ENOSF1: variants seen among roughly 807,000 people sequenced by gnomAD.
ENOSF1 encodes mitochondrial enolase superfamily member 1.
ENOSF1 carries 73 observed loss-of-function variants against 68.2 expected under a neutral mutation model. The observed-to-expected ratio is 1.07, with a 90% confidence interval of 0.89 to 1.30. ENOSF1 has a LOEUF of 1.30. Among genes scored for constraint, ENOSF1 ranks in the 50% most tolerant of loss-of-function variants. The probability of loss-of-function intolerance (pLI) is 0.00; values close to 1 mark genes in which losing one functional copy is unlikely to be tolerated. For synonymous variants in ENOSF1, 223 were observed against 210.4 expected (o/e 1.06, Z -0.52); for missense variants, 589 against 554.5 (o/e 1.06, Z -0.62).
intron 10 of ENOSF1, among the ~76,000 whole-genome samples, 193 bp from the exon 11 acceptor site, chr18:683,573 G>A (rs564735878): frequency 6.6e-6 from 1 of 152,234 alleles, no homozygotes; most frequent in Admixed American, 6.5e-5. Context: ...GGGGACTCTG[G>A]CTCCAGGTAC....
chr18:687,460 G>C (rs931484664), intron 9 of ENOSF1: 1 of 152,242 alleles, frequency 6.6e-6, no homozygotes, highest in Non-Finnish European at 1.5e-5. Flanking sequence ...CCCAGGTGAT[G>C]CTGGAGCTCC....
chr18:692,675 G>T (rs897741909), intron 5 of ENOSF1: 42 of 983,222 alleles, frequency 4.3e-5, no homozygotes, highest in Non-Finnish European at 5.1e-5. Flanking sequence ...ATCCAAAAAT[G>T]GAGGGTCCAC....
At chr18:700,694 G>T (rs966732736) in intron 2 of ENOSF1, among the ~76,000 whole-genome samples, 1 of 151,946 alleles carries the variant, frequency 6.6e-6, no homozygotes, top group African/African-American at 2.4e-5. Context: ...AGATCAACCT[G>T]ATCAACATGG....
chr18:667,607 TGATGGA>T (rs1292108760), downstream of ENOSF1: 43 of 43,728 alleles, frequency 9.8e-4, 7 homozygotes, highest in African/African-American at 2.0e-3. Flanking sequence ...ATGGTGATGG[TGATGGA>T]GATGGGTGAT....
rs11429267 is a variant in ENOSF1, at chr18:704,440, G to GAAAAAAAAAA, written c.193+2020_193+2029dup. ...AAGACTCTTGTTTCCAAAAAGAAAA[G>GAAAAAAAAAA]AAAAAAAAAAAAAAAAAGAACAGCC... On this transcript the variant is annotated intron_variant, in intron 2 of 15. Transcript: ENST00000647584. Among the ~76,000 whole-genome samples the GAAAAAAAAAA allele has an allele frequency of 8.1e-3, 785 of 96,922 alleles. 8 individuals are homozygous for GAAAAAAAAAA. The highest frequency in any genetic ancestry group is 0.022 in the Middle Eastern group (3 of 136). The allele number at this position is 96,922 out of a possible 152,430, so 63.6% of individuals were successfully genotyped here.
intron 12 of ENOSF1, 105 bp from the exon 13 acceptor site, chr18:677,977 T>C (rs1343723474): frequency 3.2e-5 from 44 of 1,360,520 alleles, no homozygotes; most frequent in Non-Finnish European, 4.4e-5. Flanking sequence ...TATTCATCAG[T>C]GGCCGTCAGG....
chr18:697,983 G>A (rs984194650), intron 2 of ENOSF1, among the ~76,000 whole-genome samples: 21 of 152,190 alleles, frequency 1.4e-4, no homozygotes, highest in African/African-American at 4.8e-4. Context: ...TTGTAGAGAC[G>A]CAGTTTCGAC....
intron 8 of ENOSF1, among the ~76,000 whole-genome samples, chr18:689,805 C>T (rs902754331): frequency 3.3e-5 from 5 of 152,164 alleles, no homozygotes; most frequent in Admixed American, 6.5e-5. Flanking sequence ...AGGTCCCCTA[C>T]GTAGCTTCAG....
At chr18:668,989 CTG>C (rs2074921870), downstream of ENOSF1, 1 of 1,159,800 alleles carries the variant, frequency 8.6e-7, no homozygotes, top group African/African-American at 1.5e-5. Flanking sequence ...GGGTAAGAGA[CTG>C]TAATAGATGA....
chr18:691,404 G>A, intron 5 of ENOSF1, 128 bp from the exon 6 acceptor site: 1 of 728,506 alleles, frequency 1.4e-6, no homozygotes, highest in Non-Finnish European at 2.3e-6. Flanking sequence ...GGAGTGCAGT[G>A]ATGCCATCAT....
chr18:699,979 C>T (rs189141718), intron 2 of ENOSF1, among the ~76,000 whole-genome samples: 16 of 152,046 alleles, frequency 1.1e-4, no homozygotes, highest in Admixed American at 3.9e-4. Context: ...ACTTGGGAAG[C>T]GGAGGGAGGA....
At position 671,293 on chromosome 18, in the gene ENOSF1, C is replaced by G. The variant is rs577616056; in HGVS notation, c.*3012G>C. On this transcript the variant is annotated 3_prime_UTR_variant, in exon 16 of 16. Coordinates refer to ENST00000647584, the MANE Select transcript of ENOSF1 (RefSeq NM_017512.7). ...AATTATTTTTTTAAAAAAAGCCTTGCGGTGTCTGCATATTCTAATGTTTTT... is the reference window on the plus strand; with the variant it reads ...AATTATTTTTTTAAAAAAAGCCTTGGGGTGTCTGCATATTCTAATGTTTTT... 1.9e-5 allele frequency: 17 copies of G among 883,790 alleles called. No homozygotes were observed. The highest frequency in any genetic ancestry group is 1.8e-4 in the African/African-American group (11 of 59,858). 54.7% of individuals were successfully genotyped at this position (883,790 alleles called of 1,614,324 possible). A position where few individuals can be genotyped will look rare whatever the true frequency, so the allele number is the denominator to read the frequency against.
chr18:668,215 C>T (rs1047027334), downstream of ENOSF1, among the ~76,000 whole-genome samples: 1 of 151,656 alleles, frequency 6.6e-6, no homozygotes, highest in Non-Finnish European at 1.5e-5. Context: ...CAGAACTACA[C>T]TACCAAGGTT....
intron 11 of ENOSF1, among the ~76,000 whole-genome samples, chr18:681,203 C>A (rs973186557): frequency 6.6e-6 from 1 of 152,188 alleles, no homozygotes; most frequent in Non-Finnish European, 1.5e-5. Context: ...GTGGCTCACT[C>A]TGACTGGCTG....
At chr18:692,692 G>A (rs575519901) in intron 5 of ENOSF1, 1 of 990,718 alleles carries the variant, frequency 1.0e-6, no homozygotes, top group African/African-American at 1.7e-5. Flanking sequence ...CCACAGGTGG[G>A]ACCTCAGGCA....
chr18:684,953 T>C (rs768347312), intron 10 of ENOSF1, among the ~76,000 whole-genome samples: 8 of 152,064 alleles, frequency 5.3e-5, no homozygotes, highest in African/African-American at 9.7e-5. Flanking sequence ...CTCCAACTCC[T>C]GAGCTCAGTG....
At chr18:693,018 G>A (rs2077361048) in intron 5 of ENOSF1, 2 of 1,233,222 alleles carry the variant, frequency 1.6e-6, no homozygotes, top group Non-Finnish European at 2.1e-6. Context: ...GTGTTGCACT[G>A]AGGCCACCGC....
chr18:689,050 A>G (rs1469015664), intron 8 of ENOSF1, among the ~76,000 whole-genome samples: 2 of 152,138 alleles, frequency 1.3e-5, no homozygotes, highest in African/African-American at 2.4e-5. Flanking sequence ...TGCCTTGAGC[A>G]TGACGCAACT....
chr18:666,788 G>C (rs1217177585), downstream of ENOSF1, among the ~76,000 whole-genome samples: 1 of 152,266 alleles, frequency 6.6e-6, no homozygotes, highest in African/African-American at 2.4e-5. Flanking sequence ...CTTAAAGGCA[G>C]AAAGTGGAAT....
Sources: allele counts gnomAD v4.1 joint callset (sites outside exome capture counted in the v4.1 genomes callset), GRCh38; gene constraint gnomAD v4.1.1; transcripts MANE v1.5; gene names NCBI Gene and HGNC (gene_info 2026-07-23, HGNC 2026-07-21).